Variants in CNOT10 observed in about 807,000 individuals in gnomAD.
CNOT10 encodes CCR4-NOT transcription complex, subunit 10.
In CNOT10, 30 loss-of-function variants were observed where a neutral mutation model predicts 94.6. The ratio of observed to expected loss-of-function variants is 0.32; its 90% CI spans 0.24 to 0.43. The LOEUF is 0.43. Among genes scored for constraint, CNOT10 ranks in the 20% least tolerant of loss-of-function variants. CNOT10 has a pLI of 1.00. For synonymous variants in CNOT10, 289 were observed against 301.6 expected, an observed-to-expected ratio of 0.96 and a Z score of 0.43; for missense variants, 759 against 877.2, an observed-to-expected ratio of 0.87 and a Z score of 1.70.
At chr3:32,699,729 C>T (rs1697246250) in intron 1 of CNOT10, among the ~76,000 whole-genome samples, 1 of 152,066 alleles carries the variant, frequency 6.6e-6, no homozygotes, top group African/African-American at 2.4e-5. Context: ...TCCACTAGCT[C>T]TAGCCCCAAC....
chr3:32,730,941 G>A (rs962024845), intron 10 of CNOT10: 2 of 152,162 alleles, frequency 1.3e-5, no homozygotes, highest in Admixed American at 6.6e-5. Flanking sequence ...GTGCTTGAAG[G>A]TATGGATTAT....
chr3:32,751,206 C>T (rs778647072), intron 13 of CNOT10, among the ~76,000 whole-genome samples: 3 of 152,142 alleles, frequency 2.0e-5, no homozygotes, highest in Non-Finnish European at 4.4e-5. Flanking sequence ...GTTCAAGCAG[C>T]CCTCCCACCT....
chr3:32,733,585 C>T (rs895120627), intron 11 of CNOT10, 41 bp downstream of exon 11: 1 of 1,280,736 alleles, frequency 7.8e-7, no homozygotes, highest in Non-Finnish European at 1.1e-6. Context: ...ATATTTAATA[C>T]TAGTTTACAT....
intron 13 of CNOT10, among the ~76,000 whole-genome samples, chr3:32,744,091 A>T (rs1040250401): frequency 1.3e-5 from 2 of 152,198 alleles, no homozygotes; most frequent in Admixed American, 1.3e-4. Flanking sequence ...GAGGAGTCGT[A>T]AAAGAATTGT....
rs764658347 is a variant in CNOT10 at position 32,725,564 on chromosome 3, T to A, written c.977T>A (p.Val326Asp). The change falls in exon 9 of 19, where the codon GTC becomes GAC. Residue 326 changes from valine to aspartate, a missense_variant. By Grantham distance (152) the Val-to-Asp change is radical (BLOSUM62 -3). Transcript: ENST00000328834. ...FKKALQENDN[V>D]CAQLSAGSTD... ...AAGGCTCTGCAAGAGAATGACAATG[T>A]CTGTGCACAGCTCAGTGCAGGTAGC... is the stretch of plus-strand genomic sequence containing the variant. 7.4e-6 allele frequency: 12 copies of A among 1,614,058 alleles called. No homozygotes were observed. Among genetic ancestry groups the A allele is most frequent in the Non-Finnish European group, 1.0e-5 (12 of 1,180,006 alleles).
chr3:32,691,162 T>G (rs375509179), intron 1 of CNOT10, among the ~76,000 whole-genome samples: 8 of 142,250 alleles, frequency 5.6e-5, no homozygotes, highest in African/African-American at 1.8e-4. Flanking sequence ...CAGCCAGCTT[T>G]TTTTTTTTTT....
At chr3:32,751,775 A>T (rs1699976127) in intron 13 of CNOT10, among the ~76,000 whole-genome samples, 1 of 152,226 alleles carries the variant, frequency 6.6e-6, no homozygotes, top group Non-Finnish European at 1.5e-5. Flanking sequence ...TTTGAATCTT[A>T]TATTGCTTTT....
In CNOT10 at chr3:32,733,454, G is replaced by T; in HGVS notation, c.1247G>T (p.Ser416Ile). Reference sequence around the variant, plus strand: ...GAACAAGAAACTAAAGGCCTTCCCAGCAAAAAAGGAATTGTACAGTCTATT... The same window carrying T: ...GAACAAGAAACTAAAGGCCTTCCCATCAAAAAAGGAATTGTACAGTCTATT... ...TSEQETKGLPSKKGIVQSIVG... is the reference protein window; with the variant it reads ...TSEQETKGLPIKKGIVQSIVG... Residue 416 changes from serine to isoleucine, a missense_variant, in exon 11 of 19, where the codon AGC becomes ATC. Ser to Ile is a moderately radical substitution (Grantham distance 142). This residue lies in a region of CNOT10 where 682 missense variants were observed against 799.4 expected (regional missense o/e 0.85). Coordinates refer to ENST00000328834, the MANE Select transcript of CNOT10 (RefSeq NM_015442.3). The T allele has an allele frequency of 1.3e-6, 2 of 1,595,742 alleles. No individual in the cohort carries two copies. The highest frequency in any genetic ancestry group is 1.3e-5 in the African/African-American group (1 of 74,332).
At chr3:32,746,565 A>G (rs1699708591) in intron 13 of CNOT10, among the ~76,000 whole-genome samples, 1 of 152,026 alleles carries the variant, frequency 6.6e-6, no homozygotes, top group Non-Finnish European at 1.5e-5. Context: ...TGCCGGGTGC[A>G]GTGGCTCTCG....
intron 1 of CNOT10, among the ~76,000 whole-genome samples, chr3:32,693,290 C>T (rs536083159): frequency 5.3e-4 from 81 of 152,006 alleles, no homozygotes; most frequent in African/African-American, 2.0e-3. Context: ...GATCTTGGCT[C>T]ACCGCAGCCT....
intron 8 of CNOT10, among the ~76,000 whole-genome samples, chr3:32,720,743 C>T (rs1468659547): frequency 2.6e-5 from 4 of 152,072 alleles, no homozygotes; most frequent in African/African-American, 4.8e-5. Flanking sequence ...CCTCAGTCTC[C>T]CAAAGTGCTG....
intron 4 of CNOT10, among the ~76,000 whole-genome samples, chr3:32,711,451 T>C (rs1164259040): frequency 6.7e-6 from 1 of 150,228 alleles, no homozygotes; most frequent in African/African-American, 2.4e-5. Context: ...ATGCAACAAC[T>C]TTTTTTTTTC....
chr3:32,764,560 T>G (rs1700585436), intron 16 of CNOT10, 70 bp downstream of exon 16: 1 of 1,604,268 alleles, frequency 6.2e-7, no homozygotes, highest in Admixed American at 1.7e-5. Flanking sequence ...CTAAATCTTC[T>G]GTGTTCGTTT....
intron 15 of CNOT10, among the ~76,000 whole-genome samples, chr3:32,763,506 A>G (rs6806206): frequency 0.036 from 5,508 of 151,526 alleles, 142 homozygotes; most frequent in Middle Eastern, 0.079. Flanking sequence ...CAAAATTAGT[A>G]GGGCGTGGTG....
chr3:32,700,886 C>T (rs1697310861), intron 1 of CNOT10, among the ~76,000 whole-genome samples: 1 of 152,038 alleles, frequency 6.6e-6, no homozygotes, highest in African/African-American at 2.4e-5. Context: ...GTGAGTAGAA[C>T]CAAGAAACAG....
At chr3:32,759,690 A>T (rs1002865408) in intron 14 of CNOT10, 119 bp downstream of exon 14, 9 of 729,886 alleles carry the variant, frequency 1.2e-5, no homozygotes, top group Non-Finnish European at 2.1e-5. Flanking sequence ...TAAGGAAAGC[A>T]ACTGTTTAAA....
chr3:32,733,125 G>A (rs1441192376), intron 10 of CNOT10, among the ~76,000 whole-genome samples: 1 of 152,108 alleles, frequency 6.6e-6, no homozygotes, highest in East Asian at 1.9e-4. Flanking sequence ...GGTACTGGAG[G>A]TCTAGAATAT....
At chr3:32,738,218 A>G (rs938368135) in intron 13 of CNOT10, among the ~76,000 whole-genome samples, 2 of 152,076 alleles carry the variant, frequency 1.3e-5, no homozygotes, top group Admixed American at 6.6e-5. Flanking sequence ...AAAAATAACT[A>G]TTGGGTACTA....
intron 13 of CNOT10, among the ~76,000 whole-genome samples, chr3:32,750,585 C>T (rs1699921364): frequency 6.6e-6 from 1 of 151,912 alleles, no homozygotes; most frequent in Non-Finnish European, 1.5e-5. Context: ...CAGAGTCTCA[C>T]TCTGTTGCCC....
Sources: allele counts gnomAD v4.1 joint callset (sites outside exome capture counted in the v4.1 genomes callset), GRCh38; gene constraint gnomAD v4.1.1; regional missense constraint gnomAD v4.1.1; transcripts MANE v1.5; gene names NCBI Gene and HGNC (gene_info 2026-07-23, HGNC 2026-07-21).